ITPKB: variants seen among roughly 807,000 people sequenced by gnomAD.
ITPKB encodes the protein inositol-trisphosphate 3-kinase B, also known as IP3 3-kinase B.
In ITPKB, 13 loss-of-function variants were observed where a neutral mutation model predicts 69.4. The observed-to-expected ratio is 0.19, with a 90% CI of 0.12 to 0.30. The LOEUF is 0.30. Among genes scored for constraint, ITPKB ranks in the 10% least tolerant of loss-of-function variants. The pLI is 1.00. For synonymous variants in ITPKB, 584 were observed against 513.7 expected (o/e 1.14, Z -1.85); for missense variants, 1,240 against 1,250.5 (o/e 0.99, Z 0.13).
At chr1:226,648,870 A>G in intron 2 of ITPKB, 99 bp from the exon 3 acceptor site, 2 of 843,300 alleles carry the variant, frequency 2.4e-6, no homozygotes, top group Non-Finnish European at 2.0e-6. Flanking sequence ...CTGTGGCCAC[A>G]AGATGGGAAG....
At chr1:226,728,050 G>A (rs938351957) in intron 2 of ITPKB, among the ~76,000 whole-genome samples, 3 of 152,042 alleles carry the variant, frequency 2.0e-5, no homozygotes, top group Admixed American at 6.6e-5. Flanking sequence ...CCCAGGTTAC[G>A]TGAGATGTTT....
At chr1:226,648,415 GAT>G (rs1262011064) in intron 3 of ITPKB, among the ~76,000 whole-genome samples, 1 of 151,802 alleles carries the variant, frequency 6.6e-6, no homozygotes, top group Non-Finnish European at 1.5e-5. Context: ...AAGAGACAGA[GAT>G]AAGAGCCAGA....
intron 2 of ITPKB, among the ~76,000 whole-genome samples, chr1:226,685,894 C>T (rs1656197620): frequency 6.6e-6 from 1 of 152,048 alleles, no homozygotes. Context: ...AGCTGTGGGG[C>T]AGCACGAGGA....
chr1:226,663,356 C>A lies in ITPKB; in HGVS notation c.1933-14585G>T, dbSNP rs949630970. ...TGCGCTCCTAGGTTTGTGTCCCAAT[C>A]GGGGCAGACCTTGGGGTCTTGCCCA... is the stretch of plus-strand genomic sequence containing the variant. On this transcript the variant is annotated intron_variant, in intron 2 of 7. Transcript: ENST00000429204. Among the ~76,000 whole-genome samples, 5 of 152,270 alleles carry A rather than the reference C, an allele frequency of 3.3e-5. No homozygotes were observed. In the East Asian group the frequency reaches 9.6e-4, roughly 29 times the overall value.
chr1:226,649,379 T>C (rs1669128510), intron 2 of ITPKB, among the ~76,000 whole-genome samples: 1 of 147,708 alleles, frequency 6.8e-6, no homozygotes, highest in Non-Finnish European at 1.5e-5. Context: ...CATGTGATTG[T>C]GTGCATGTGT....
At chr1:226,702,261 G>A (rs1031265824) in intron 2 of ITPKB, among the ~76,000 whole-genome samples, 2 of 152,138 alleles carry the variant, frequency 1.3e-5, no homozygotes, top group African/African-American at 4.8e-5. Flanking sequence ...GCCGGGTGTG[G>A]TGGTGGGCGC....
intron 2 of ITPKB, among the ~76,000 whole-genome samples, chr1:226,700,414 A>C (rs1656606334): frequency 7.7e-6 from 1 of 129,874 alleles, no homozygotes; most frequent in Non-Finnish European, 1.6e-5. Flanking sequence ...GATTGCAGTG[A>C]GCCCAGATCA....
At chr1:226,709,583 C>T (rs188662596) in intron 2 of ITPKB, among the ~76,000 whole-genome samples, 1 of 152,166 alleles carries the variant, frequency 6.6e-6, no homozygotes, top group Non-Finnish European at 1.5e-5. Flanking sequence ...TGGCTCCTGA[C>T]ATCCAACTTC....
Position 226,736,533 on chromosome 1 carries a change from C to G in ITPKB, c.926G>C (p.Arg309Thr), listed in dbSNP as rs777749333. The G allele has an allele frequency of 6.2e-7, 1 of 1,613,888 alleles. No individual in the cohort carries two copies. Among genetic ancestry groups the G allele is most frequent in the South Asian group, 1.1e-5 (1 of 91,084 alleles). The change falls in exon 2 of 8, where the codon AGA (arginine) becomes ACA (threonine). Residue 309 changes from arginine to threonine, a missense_variant. By Grantham distance (71) the Arg-to-Thr change is moderately conservative. Transcript: ENST00000429204. ...SLTMATEVAA[R>T]VTSTGPHRPQ... ...ACGGTGTGGCCCAGTGGATGTAACT[C>G]TCGCTGCCACTTCCGTGGCCATCGT...
At chr1:226,729,540 T>A (rs2102649202) in intron 2 of ITPKB, among the ~76,000 whole-genome samples, 1 of 150,442 alleles carries the variant, frequency 6.6e-6, no homozygotes, top group Admixed American at 6.6e-5. Flanking sequence ...CAGATTTCGA[T>A]ACTGTTAATT....
rs1668771065 is a variant in ITPKB, at chr1:226,633,781, A to C, written c.*890T>G. The C allele has an allele frequency of 6.6e-6, 1 of 152,234 alleles. No homozygotes were observed. Among genetic ancestry groups the C allele is most frequent in the South Asian group, 2.1e-4 (1 of 4,826 alleles). 9.4% of individuals were successfully genotyped at this position (152,234 alleles called of 1,614,324 possible). Reference sequence around the variant, plus strand: ...GAGCCCATGTATGCAGGCAGGGTTGACCAACTAGCACCAGGTAGGTGAGGG... The same window carrying C: ...GAGCCCATGTATGCAGGCAGGGTTGCCCAACTAGCACCAGGTAGGTGAGGG... On this transcript the variant is annotated 3_prime_UTR_variant, in exon 8 of 8. Transcript: ENST00000429204.
intron 2 of ITPKB, among the ~76,000 whole-genome samples, chr1:226,718,111 T>G (rs1447956504): frequency 6.6e-6 from 1 of 150,902 alleles, no homozygotes; most frequent in African/African-American, 2.4e-5. Context: ...CTGGCCAACA[T>G]AGTGAAACCT....
chr1:226,673,968 T>C (rs1476900816), intron 2 of ITPKB, among the ~76,000 whole-genome samples: 2 of 152,144 alleles, frequency 1.3e-5, no homozygotes, highest in Non-Finnish European at 1.5e-5. Context: ...TTTCATGGCA[T>C]GGCTGGGGGC....
intron 2 of ITPKB, among the ~76,000 whole-genome samples, chr1:226,664,167 A>G (rs770812383): frequency 6.6e-6 from 1 of 152,232 alleles, no homozygotes; most frequent in Admixed American, 6.5e-5. Context: ...GAAATGAAAC[A>G]TTATTGAGGG....
chr1:226,713,061 T>C (rs1444370934), intron 2 of ITPKB, among the ~76,000 whole-genome samples: 1 of 151,956 alleles, frequency 6.6e-6, no homozygotes, highest in African/African-American at 2.4e-5. Context: ...CACACATGCA[T>C]GCACACACAC....
chr1:226,693,130 A>G (rs1656397320), intron 2 of ITPKB, among the ~76,000 whole-genome samples: 1 of 152,232 alleles, frequency 6.6e-6, no homozygotes, highest in Non-Finnish European at 1.5e-5. Context: ...AGCACATTAC[A>G]AGAGCCACTT....
chr1:226,708,350 T>C (rs952248220), intron 2 of ITPKB, among the ~76,000 whole-genome samples: 6 of 152,198 alleles, frequency 3.9e-5, no homozygotes, highest in African/African-American at 1.4e-4. Context: ...GTTGGTAGAA[T>C]AACAGCTCAA....
At position 226,738,582 on chromosome 1, in the gene ITPKB, A is replaced by G. The variant is rs1657890414; in HGVS notation, c.-206+459T>C. ...CCTGCGGGCTCCCGGACCCGCGCCC[A>G]CTCGGAGGAACTTAGGGGCGTGCAT... On this transcript the variant is annotated intron_variant, in intron 1 of 7. Transcript: ENST00000429204. This position sits in a 1 kb window ranked among gnomAD's most constrained non-coding sequence, Gnocchi z 4.2. 6.6e-6 allele frequency among the ~76,000 whole-genome samples: 1 copy of G among 151,958 alleles called. No homozygotes were observed. Among genetic ancestry groups the G allele is most frequent in the Non-Finnish European group, 1.5e-5 (1 of 67,956 alleles).
At chr1:226,685,223 G>A (rs1393173692) in intron 2 of ITPKB, among the ~76,000 whole-genome samples, 1 of 152,128 alleles carries the variant, frequency 6.6e-6, no homozygotes, top group Non-Finnish European at 1.5e-5. Context: ...CTGTCCTCTT[G>A]CCATCCACAG....
Sources: gnomAD v4.1 joint callset for allele counts (sites outside exome capture counted in the v4.1 genomes callset) on GRCh38, gnomAD v4.1.1 for gene constraint, Gnocchi (gnomAD v3.1) non-coding constraint, MANE v1.5 for transcripts, NCBI Gene and HGNC (gene_info 2026-07-23, HGNC 2026-07-21) for gene names.